ATP2C1: variants seen among roughly 807,000 people sequenced by gnomAD.
The protein encoded by ATP2C1 is calcium-transporting ATPase type 2C member 1.
A neutral mutation model predicts 120.5 loss-of-function variants in ATP2C1; 31 were observed. The ratio of observed to expected loss-of-function variants is 0.26; its 90% CI spans 0.19 to 0.35. ATP2C1 has a LOEUF of 0.35. ATP2C1 is among the 10% of genes least tolerant of loss of function. ATP2C1 has a pLI of 1.00. For missense variants in ATP2C1, 731 were observed against 1,107.5 expected (o/e 0.66, Z 4.83); for synonymous variants, 351 against 358.7 (o/e 0.98, Z 0.24).
chr3:130,903,707 C>A (rs1380560386), intron 2 of ATP2C1, among the ~76,000 whole-genome samples: 1 of 147,502 alleles, frequency 6.8e-6, no homozygotes, highest in Non-Finnish European at 1.5e-5. Flanking sequence ...TTCCCCTTTC[C>A]TTTCCTTTCC....
intron 1 of ATP2C1, among the ~76,000 whole-genome samples, chr3:130,862,942 T>C (rs776229698): frequency 1.3e-5 from 2 of 152,160 alleles, no homozygotes; most frequent in Non-Finnish European, 2.9e-5. Context: ...AGTTAAAATA[T>C]ATTTTGCAAA....
rs1024160225 is a variant in ATP2C1 at position 130,852,358 on chromosome 3, G to A, written c.108+1430G>A. Among the ~76,000 whole-genome samples the A allele has an allele frequency of 3.3e-5, 5 of 151,998 alleles. No individual in the cohort carries two copies. In the South Asian group the frequency reaches 1.0e-3, roughly 32 times the overall value. The stretch of plus-strand genomic sequence containing the variant: ...GAGTGATTTTTTTTTTCTCAGTATT[G>A]TAAGTTTTCAGAGATGTGGCTATAT... On this transcript the variant is annotated intron_variant, in intron 1 of 26. Coordinates refer to the ATP2C1 transcript ENST00000504381.
chr3:130,923,674 C>T (rs2059068337), intron 2 of ATP2C1, among the ~76,000 whole-genome samples: 1 of 151,570 alleles, frequency 6.6e-6, no homozygotes, highest in African/African-American at 2.4e-5. Flanking sequence ...TCAAGACTAG[C>T]CTTGCAAACA....
At chr3:130,866,692 C>G (rs1004793816) in intron 1 of ATP2C1, among the ~76,000 whole-genome samples, 2 of 152,210 alleles carry the variant, frequency 1.3e-5, no homozygotes, top group East Asian at 3.8e-4. Flanking sequence ...TTTTAATACT[C>G]TTTCCTCTCA....
At chr3:130,915,442 G>A (rs1559917140) in intron 2 of ATP2C1, among the ~76,000 whole-genome samples, 4 of 152,190 alleles carry the variant, frequency 2.6e-5, no homozygotes, top group Admixed American at 1.3e-4. Context: ...TAGGGATATA[G>A]TGTTAGTTGA....
intron 1 of ATP2C1, among the ~76,000 whole-genome samples, chr3:130,865,916 T>A (rs528934360): frequency 2.6e-5 from 4 of 152,232 alleles, no homozygotes; most frequent in Admixed American, 6.5e-5. Context: ...GATTTAAAAA[T>A]TTTTTAACTT....
intron 20 of ATP2C1, among the ~76,000 whole-genome samples, chr3:130,992,239 T>A (rs2062390052): frequency 1.3e-5 from 2 of 151,820 alleles, no homozygotes; most frequent in Non-Finnish European, 2.9e-5. Context: ...GATGGTAGTG[T>A]TTTGTGGAAA....
At chr3:130,934,578 C>A in intron 4 of ATP2C1, 44 bp from the exon 5 acceptor site, 1 of 1,260,304 alleles carries the variant, frequency 7.9e-7, no homozygotes, top group South Asian at 1.2e-5. Context: ...AGAGAACTGT[C>A]ATGTACAAAA....
chr3:130,883,339 C>T (rs2068845866), intron 1 of ATP2C1, among the ~76,000 whole-genome samples: 1 of 151,920 alleles, frequency 6.6e-6, no homozygotes, highest in East Asian at 1.9e-4. Flanking sequence ...TCATTTCAAA[C>T]TTATTTCTGC....
At chr3:130,918,080 G>A (rs191516533) in intron 2 of ATP2C1, 241 of 582,914 alleles carry the variant, frequency 4.1e-4, no homozygotes, top group Middle Eastern at 1.4e-3. Context: ...CCCTTCCTAC[G>A]AGTTAGCCAG....
intron 2 of ATP2C1, among the ~76,000 whole-genome samples, chr3:130,906,771 A>C (rs2058145679): frequency 6.6e-6 from 1 of 151,630 alleles, no homozygotes; most frequent in Admixed American, 6.6e-5. Context: ...TGATGTGTCA[A>C]GGATCTTTTG....
chr3:130,868,256 A>AGCCCCCC (rs1454726353), intron 1 of ATP2C1: 1 of 138,320 alleles, frequency 7.2e-6, no homozygotes, highest in Non-Finnish European at 1.5e-5. Flanking sequence ...TGGGGGGGTC[A>AGCCCCCC]GCCCCCCGCC....
chr3:130,878,919 C>T (rs2068693321), intron 1 of ATP2C1, among the ~76,000 whole-genome samples: 1 of 152,112 alleles, frequency 6.6e-6, no homozygotes, highest in Admixed American at 6.5e-5. Context: ...ATGTCTATAT[C>T]ACTCCTAAAA....
chr3:130,946,519 G>A (rs1345320903), intron 8 of ATP2C1, among the ~76,000 whole-genome samples: 1 of 152,204 alleles, frequency 6.6e-6, no homozygotes, highest in Non-Finnish European at 1.5e-5. Context: ...GGAACCCCAT[G>A]TAGCCATTAT....
chr3:130,931,915 C>CTGT, intron 3 of ATP2C1, 107 bp from the exon 4 acceptor site: 1 of 753,788 alleles, frequency 1.3e-6, no homozygotes, highest in Non-Finnish European at 2.3e-6. Context: ...CTAGTTTTGA[C>CTGT]TGTTGTAGTT....
At chr3:130,917,206 A>G (rs1010924629) in intron 2 of ATP2C1, among the ~76,000 whole-genome samples, 5 of 152,232 alleles carry the variant, frequency 3.3e-5, no homozygotes, top group African/African-American at 4.8e-5. Context: ...AAAATAGGCT[A>G]TGCTAAGCTA....
intron 17 of ATP2C1, among the ~76,000 whole-genome samples, chr3:130,971,500 C>CA (rs529105441): frequency 4.1e-4 from 62 of 152,238 alleles, no homozygotes; most frequent in African/African-American, 1.2e-3. Context: ...TTCAGTGGCT[C>CA]AGATAGTTTG....
chr3:130,998,268 G>A (rs1376139242), intron 25 of ATP2C1, 26 bp from the exon 26 acceptor site: 9 of 1,503,570 alleles, frequency 6.0e-6, no homozygotes, highest in Non-Finnish European at 8.3e-6. Flanking sequence ...CCACTGAAAA[G>A]TAATTTTGTT....
chr3:130,968,992 T>C (rs2061176350), intron 16 of ATP2C1, among the ~76,000 whole-genome samples: 1 of 152,180 alleles, frequency 6.6e-6, no homozygotes, highest in African/African-American at 2.4e-5. Flanking sequence ...TTTATTTATA[T>C]CCTGCTTCCT....
Sources: allele counts gnomAD v4.1 joint callset (sites outside exome capture counted in the v4.1 genomes callset), GRCh38; gene constraint gnomAD v4.1.1; transcripts MANE v1.5; gene names NCBI Gene and HGNC (gene_info 2026-07-23, HGNC 2026-07-21).